Variants in FUBP1 observed in about 807,000 individuals in gnomAD.
The protein encoded by FUBP1 is far upstream element binding protein 1.
Under a neutral mutation model 94.9 loss-of-function variants are expected in FUBP1, and 16 were observed. The ratio of observed to expected loss-of-function variants is 0.17; its 90% CI spans 0.11 to 0.26. FUBP1 has a LOEUF of 0.26. FUBP1 is among the 10% of genes least tolerant of loss of function. The pLI, the probability that FUBP1 is intolerant of heterozygous loss-of-function variation, is 1.00. For synonymous variants in FUBP1, 279 were observed against 254.9 expected (o/e 1.09, Z -0.90); for missense variants, 583 against 808.6 (o/e 0.72, Z 3.38).
At chr1:77,963,956 T>C (rs1294711177) in intron 12 of FUBP1, 106 bp downstream of exon 12, 1 of 775,502 alleles carries the variant, frequency 1.3e-6, no homozygotes, top group Non-Finnish European at 2.2e-6. Flanking sequence ...TCTCCATTAA[T>C]AAAGCATCAT....
At position 77,975,616 on chromosome 1, in the gene FUBP1, T is replaced by G. The variant is rs555190850; in HGVS notation, c.120+3269A>C. On this transcript the variant is annotated intron_variant, in intron 1 of 19. Transcript: ENST00000370768. ...TCATCTAGTCTGATTCATTTCTACC[T>G]TCATATAACCTCGAGGAAAAAAACG... Among the ~76,000 whole-genome samples the G allele has an allele frequency of 5.1e-3, 781 of 152,332 alleles. 2 individuals carry two copies. The highest frequency in any genetic ancestry group is 7.1e-3 in the Non-Finnish European group (485 of 68,032).
chr1:77,952,115 A>C (rs1653568784), intron 18 of FUBP1, among the ~76,000 whole-genome samples: 1 of 152,132 alleles, frequency 6.6e-6, no homozygotes, highest in Non-Finnish European at 1.5e-5. Flanking sequence ...AAATCTTATC[A>C]AGATTTTCTC....
intron 18 of FUBP1, among the ~76,000 whole-genome samples, chr1:77,952,177 G>GC (rs1653584715): frequency 6.6e-6 from 1 of 151,940 alleles, no homozygotes; most frequent in Non-Finnish European, 1.5e-5. Flanking sequence ...GGTGGATGCT[G>GC]CAAGTGAGCC....
rs757094212 is a variant in FUBP1, at chr1:77,955,286, G to A, written c.1749C>T (p.Thr583=). ...TCTTGTAGTACTCTTCCCAAGCCTT[G>A]GTATAATCAACCTGTCCAGCTGGGG... ...NPAPAGQVDY[T]KAWEEYYKKM... Residue 583 remains threonine (T), a synonymous_variant, in exon 18 of 20, where the codon ACC becomes ACT. Transcript: ENST00000370768. The A allele has an allele frequency of 9.7e-6, 15 of 1,539,730 alleles. No homozygotes were observed. The highest frequency in any genetic ancestry group is 1.3e-5 in the Non-Finnish European group (15 of 1,112,238).
chr1:77,948,807 A>G (rs1173722993), intron 19 of FUBP1, 33 bp from the exon 20 acceptor site: 1 of 1,607,556 alleles, frequency 6.2e-7, no homozygotes, highest in East Asian at 2.2e-5. Context: ...AAATACACAA[A>G]AAGTTAAAGA....
intron 14 of FUBP1, 39 bp from the exon 15 acceptor site, chr1:77,960,534 AC>A (rs1169954323): frequency 2.0e-6 from 3 of 1,519,356 alleles, no homozygotes; most frequent in Non-Finnish European, 2.7e-6. Context: ...TCAGAAAAAC[AC>A]AGTAATGGTT....
At chr1:77,969,439 C>T (rs964454529) in intron 2 of FUBP1, among the ~76,000 whole-genome samples, 1 of 151,060 alleles carries the variant, frequency 6.6e-6, no homozygotes, top group African/African-American at 2.4e-5. Flanking sequence ...CACAAAAGTA[C>T]TGAAAGTAAA....
At chr1:77,955,462 G>A (rs1654271953) in intron 17 of FUBP1, 133 bp from the exon 18 acceptor site, 2 of 629,744 alleles carry the variant, frequency 3.2e-6, no homozygotes, top group East Asian at 2.8e-5. Context: ...ACTATGTGGT[G>A]GTGGCATCCC....
chr1:77,957,115 T>C (rs1041909324), intron 16 of FUBP1, among the ~76,000 whole-genome samples: 11 of 152,132 alleles, frequency 7.2e-5, no homozygotes, highest in Non-Finnish European at 1.2e-4. Context: ...AGAAAGAAAA[T>C]TATTTTAGAA....
At chr1:77,971,605 A>C (rs930859006) in intron 1 of FUBP1, among the ~76,000 whole-genome samples, 2 of 152,034 alleles carry the variant, frequency 1.3e-5, no homozygotes, top group African/African-American at 4.8e-5. Flanking sequence ...CCATATACCA[A>C]CTGTATTTCC....
Position 77,949,279 on chromosome 1 carries a change from G to A in FUBP1, c.1802C>T (p.Thr601Ile), listed in dbSNP as rs901160335. The change falls in exon 19 of 20, where the codon ACT becomes ATT. Residue 601 changes from threonine (T) to isoleucine (I), a missense_variant. Physicochemically the swap from Thr to Ile is moderately conservative, Grantham distance 89 (BLOSUM62 -1). Transcript: ENST00000370768. ...TGGCTGACCACCTGGAGGAGCCCCA[G>A]TCGGAGCAGGAACTGCCTGACCTTT... ...KKMGQAVPAP[T>I]GAPPGGQPDY... 18 of 1,613,602 alleles carry A rather than the reference G, an allele frequency of 1.1e-5. No individual in the cohort carries two copies. In the Admixed American group the frequency reaches 1.5e-4, roughly 13 times the overall value.
rs982696762 is a variant in FUBP1, at chr1:77,964,098, A to G, written c.1005T>C (p.Ala335=). ...GAAGAAGGTCTGTAATAATTTCTGC[A>G]GCATGTTGACATCGGTCTGGAGGTC... is the stretch of plus-strand genomic sequence containing the variant. ...ITGPPDRCQH[A]AEIITDLLRS... is the part of the protein sequence containing the mutation. Residue 335 remains alanine (A), a synonymous_variant, in exon 12 of 20, where the codon GCT becomes GCC. Coordinates refer to ENST00000370768, the MANE Select transcript of FUBP1 (RefSeq NM_003902.5). 6 of 1,602,468 alleles carry G rather than the reference A, an allele frequency of 3.7e-6. No homozygotes were observed. The highest frequency in any genetic ancestry group is 5.1e-6 in the Non-Finnish European group (6 of 1,169,378).
rs773905638 is a variant in FUBP1, at chr1:77,960,439, G to A, written c.1401C>T (p.Gly467=). The A allele has an allele frequency of 6.3e-7, 1 of 1,591,390 alleles. No individual in the cohort carries two copies. The highest frequency in any genetic ancestry group is 8.5e-7 in the Non-Finnish European group (1 of 1,172,290). ...PVPHGPHGVP[G]PHGPPGPPGP... is the part of the protein sequence containing the mutation. ...CTGGAGGCCCAGGAGGTCCATGGGG[G>A]CCTGGGACACCATGGGGCCCATGGG... is the stretch of plus-strand genomic sequence containing the variant. Residue 467 remains glycine (G), a synonymous_variant, in exon 15 of 20, where the codon GGC becomes GGT. Coordinates refer to ENST00000370768, the MANE Select transcript of FUBP1 (RefSeq NM_003902.5).
chr1:77,968,104 C>G, intron 3 of FUBP1, 61 bp downstream of exon 3: 4 of 1,112,022 alleles, frequency 3.6e-6, no homozygotes, highest in Non-Finnish European at 5.2e-6. Context: ...ATAATATGAA[C>G]AAAATCTTAA....
intron 1 of FUBP1, among the ~76,000 whole-genome samples, chr1:77,971,408 C>A (rs1206936436): frequency 6.6e-6 from 1 of 152,158 alleles, no homozygotes; most frequent in Non-Finnish European, 1.5e-5. Context: ...TTATTATCAT[C>A]AGACAACTGG....
chr1:77,977,755 T>C (rs1312995139), intron 1 of FUBP1, among the ~76,000 whole-genome samples: 1 of 152,264 alleles, frequency 6.6e-6, no homozygotes, highest in Non-Finnish European at 1.5e-5. Flanking sequence ...GCAGAACTAA[T>C]ATTAATGATG....
In FUBP1 at chr1:77,948,357, G is replaced by C. The variant is rs1438270586; in HGVS notation, c.*409C>G. On this transcript the variant is annotated 3_prime_UTR_variant, in exon 20 of 20. Transcript: ENST00000370768. ...ATGTATCTTAATTTATCATTGCTAA[G>C]AAATTATGAATCCTTTAAATACCCA... 6 of 1,054,992 alleles carry C rather than the reference G, an allele frequency of 5.7e-6. No homozygotes were observed. Among genetic ancestry groups the C allele is most frequent in the Non-Finnish European group, 5.8e-6 (5 of 868,756 alleles). The allele number at this position is 1,054,992 out of a possible 1,614,324, so 65.4% of individuals were successfully genotyped here. A position where few individuals can be genotyped will look rare whatever the true frequency, so the allele number is the denominator to read the frequency against.
At chr1:77,965,284 C>A in intron 7 of FUBP1, 53 bp from the exon 8 acceptor site, 2 of 1,234,674 alleles carry the variant, frequency 1.6e-6, no homozygotes, top group Admixed American at 1.9e-5. Flanking sequence ...CAAGCTTATT[C>A]AAATAGAGAA....
chr1:77,947,713 A>G lies in FUBP1; in HGVS notation c.*1053T>C, dbSNP rs1652448065. On this transcript the variant is annotated 3_prime_UTR_variant, in exon 20 of 20. Transcript: ENST00000370768. Reference sequence around the variant, plus strand: ...AGTAATAAAATGACTTCAAGTACATAAAAAAATTAAGTTGATTCAATGATT... The same window carrying G: ...AGTAATAAAATGACTTCAAGTACATGAAAAAATTAAGTTGATTCAATGATT... 7.1e-6 allele frequency: 4 copies of G among 561,116 alleles called. No homozygotes were observed. The highest frequency in any genetic ancestry group is 8.9e-6 in the Non-Finnish European group (3 of 336,650). 34.8% of individuals were successfully genotyped at this position (561,116 alleles called of 1,614,324 possible).
Sources: allele counts gnomAD v4.1 joint callset (sites outside exome capture counted in the v4.1 genomes callset), GRCh38; gene constraint gnomAD v4.1.1; transcripts MANE v1.5; gene names NCBI Gene and HGNC (gene_info 2026-07-23, HGNC 2026-07-21).